DMD: variants seen among roughly 807,000 people sequenced by gnomAD.
DMD encodes the protein mutant dystrophin.
DMD carries 63 observed loss-of-function variants against 330.1 expected under a neutral mutation model. The ratio of observed to expected loss-of-function variants is 0.19; its 90% CI spans 0.16 to 0.24. The LOEUF (loss-of-function observed/expected upper bound fraction) is 0.24, where lower values mean the gene tolerates loss of function less well. DMD is among the 10% of genes least tolerant of loss of function. DMD has a pLI of 1.00. For missense variants in DMD, 3,344 were observed against 2,684.1 expected (o/e 1.25, Z -5.43); for synonymous variants, 1,223 against 959.8 (o/e 1.27, Z -5.07).
intron 61 of DMD, among the ~76,000 whole-genome samples, chrX:31,346,026 C>T (rs1323558661): frequency 9.0e-6 from 1 of 110,753 alleles, no homozygotes; most frequent in East Asian, 2.8e-4. Flanking sequence ...TATTTGTGAG[C>T]GTGGATCTTT....
At chrX:31,668,126 T>C (rs770141577) in intron 53 of DMD, among the ~76,000 whole-genome samples, 1 of 112,199 alleles carries the variant, frequency 8.9e-6, no homozygotes, top group Non-Finnish European at 1.9e-5. Context: ...TTTATCCTTT[T>C]TGTTGTTGAA....
chrX:32,163,924 T>C (rs183562178), intron 44 of DMD, among the ~76,000 whole-genome samples: 5 of 111,799 alleles, frequency 4.5e-5, no homozygotes, highest in African/African-American at 1.6e-4. Flanking sequence ...TGAAAAATAC[T>C]GCATATACAC....
At chrX:33,221,736 A>C (rs999345594) in intron 1 of DMD, among the ~76,000 whole-genome samples, 1 of 111,175 alleles carries the variant, frequency 9.0e-6, no homozygotes, top group Non-Finnish European at 1.9e-5. Flanking sequence ...GTAAGGGTTT[A>C]CTATGAACAA....
intron 7 of DMD, among the ~76,000 whole-genome samples, chrX:32,787,588 A>C (rs2148606578): frequency 9.0e-6 from 1 of 111,554 alleles, no homozygotes; most frequent in South Asian, 3.8e-4. Flanking sequence ...CCTATGATAA[A>C]ATTTAACTTA....
At chrX:33,214,394 T>A (rs1430128879), upstream of DMD, among the ~76,000 whole-genome samples, 3 of 111,858 alleles carry the variant, frequency 2.7e-5, no homozygotes. Context: ...ATTAAAATTA[T>A]GAATACATTT....
intron 45 of DMD, among the ~76,000 whole-genome samples, chrX:31,948,274 G>T: frequency 8.9e-6 from 1 of 111,877 alleles, no homozygotes; most frequent in Non-Finnish European, 1.9e-5. Context: ...ATTCTTCCAT[G>T]CACAGCTATG....
intron 44 of DMD, among the ~76,000 whole-genome samples, chrX:32,070,900 C>A (rs1307293515): frequency 9.0e-6 from 1 of 111,157 alleles, no homozygotes; most frequent in East Asian, 2.8e-4. Context: ...GCACCAGGAT[C>A]TCACAAATTA....
chrX:31,864,696 G>T (rs751641707), intron 48 of DMD, among the ~76,000 whole-genome samples: 2 of 109,649 alleles, frequency 1.8e-5, no homozygotes, highest in East Asian at 2.9e-4. Flanking sequence ...TTGCTATATT[G>T]CCCAGGCTGA....
At chrX:31,210,093 T>C (rs1336230061) in intron 64 of DMD, among the ~76,000 whole-genome samples, 3 of 111,984 alleles carry the variant, frequency 2.7e-5, no homozygotes, top group African/African-American at 9.7e-5. Context: ...GATACTTTCT[T>C]GTATTAGCAT....
At chrX:31,608,685 T>C (rs2077736129) in intron 55 of DMD, among the ~76,000 whole-genome samples, 1 of 111,623 alleles carries the variant, frequency 9.0e-6, no homozygotes, top group African/African-American at 3.3e-5. Context: ...ATCGTTTTCC[T>C]GAGACCAGCA....
At chrX:32,380,049 G>C (rs1028447371) in intron 34 of DMD, among the ~76,000 whole-genome samples, 5 of 111,407 alleles carry the variant, frequency 4.5e-5, no homozygotes, top group Non-Finnish European at 9.4e-5. Context: ...TTTGGTGATG[G>C]AAATGATAGC....
chrX:31,861,829 C>G (rs2093709206), intron 48 of DMD, among the ~76,000 whole-genome samples: 1 of 99,744 alleles, frequency 1.0e-5, no homozygotes, highest in Non-Finnish European at 2.0e-5. Flanking sequence ...TCCTTCTGCC[C>G]TCGCCAAGCC....
In DMD at chrX:31,184,374, C is replaced by T. The variant is rs754120805; in HGVS notation, c.9808-1470G>A. 5.4e-5 allele frequency among the ~76,000 whole-genome samples: 6 copies of T among 110,237 alleles called. 1 individual carries two copies. Among genetic ancestry groups the T allele is most frequent in the African/African-American group, 2.0e-4 (6 of 30,192 alleles). On this transcript the variant is annotated intron_variant, in intron 67 of 78. Transcript: ENST00000357033. ...AAACACATGAAAAAATGCTCACCAT[C>T]ACTGGCCATCAGAGAAATGCAAATC... is the stretch of plus-strand genomic sequence containing the variant.
intron 63 of DMD, among the ~76,000 whole-genome samples, chrX:31,224,508 G>A (rs1602965051): frequency 8.9e-6 from 1 of 112,325 alleles, no homozygotes; most frequent in East Asian, 2.8e-4. Flanking sequence ...AAATGTTGGT[G>A]AGGATATGGA....
At chrX:32,694,645 C>T (rs1227220934) in intron 9 of DMD, among the ~76,000 whole-genome samples, 1 of 101,538 alleles carries the variant, frequency 9.8e-6, no homozygotes. Flanking sequence ...TCATATCATA[C>T]CATTTATTTT....
At chrX:31,259,608 G>C (rs1432046606) in intron 63 of DMD, among the ~76,000 whole-genome samples, 3 of 111,756 alleles carry the variant, frequency 2.7e-5, no homozygotes, top group Non-Finnish European at 5.6e-5. Flanking sequence ...AAATGTATTG[G>C]ATCTCTCTGG....
intron 47 of DMD, among the ~76,000 whole-genome samples, chrX:31,880,062 T>C (rs2094034731): frequency 8.9e-6 from 1 of 112,165 alleles, no homozygotes; most frequent in African/African-American, 3.2e-5. Flanking sequence ...TTACTTTCCT[T>C]ATTCTTTCAA....
intron 7 of DMD, among the ~76,000 whole-genome samples, chrX:32,730,141 G>C (rs754713106): frequency 9.0e-6 from 1 of 111,427 alleles, no homozygotes; most frequent in South Asian, 3.8e-4. Flanking sequence ...GAGACCAACC[G>C]GGGCAATGAA....
At chrX:31,636,345 A>C (rs139406192) in intron 54 of DMD, among the ~76,000 whole-genome samples, 1 of 112,080 alleles carries the variant, frequency 8.9e-6, no homozygotes, top group African/African-American at 3.2e-5. Context: ...ACTTAAAATA[A>C]AAGTTAAGAA....
Sources: gnomAD v4.1 joint callset for allele counts (sites outside exome capture counted in the v4.1 genomes callset) on GRCh38, gnomAD v4.1.1 for gene constraint, MANE v1.5 for transcripts, NCBI Gene and HGNC (gene_info 2026-07-23, HGNC 2026-07-21) for gene names.